GRIK2: variants seen among roughly 807,000 people sequenced by gnomAD.
GRIK2 encodes glutamate receptor ionotropic, kainate 2.
Under a neutral mutation model 100.3 loss-of-function variants are expected in GRIK2, and 32 were observed. That is an observed-to-expected ratio of 0.32 (90% CI 0.24 to 0.43). The LOEUF is 0.43. Among genes scored for constraint, GRIK2 ranks in the 20% least tolerant of loss-of-function variants. GRIK2 has a pLI of 1.00. For missense variants in GRIK2, 843 were observed against 1,114.9 expected (o/e 0.76, Z 3.47); for synonymous variants, 417 against 389.4 (o/e 1.07, Z -0.83).
At chr6:101,646,992 A>G (rs772972477) in intron 4 of GRIK2, among the ~76,000 whole-genome samples, 1 of 152,008 alleles carries the variant, frequency 6.6e-6, no homozygotes, top group South Asian at 2.1e-4. Flanking sequence ...GTAACAGTCT[A>G]AACACTTAGC....
chr6:101,899,105 T>G (rs544190100), intron 12 of GRIK2, among the ~76,000 whole-genome samples: 5 of 150,674 alleles, frequency 3.3e-5, no homozygotes, highest in South Asian at 2.1e-4. Context: ...TGTTTTTGTT[T>G]TTTTTTTTTT....
intron 7 of GRIK2, among the ~76,000 whole-genome samples, chr6:101,763,479 A>G (rs1777857183): frequency 6.6e-6 from 1 of 152,114 alleles, no homozygotes. Context: ...TTCTTGTCTG[A>G]TTTTTCTTAC....
intron 2 of GRIK2, among the ~76,000 whole-genome samples, chr6:101,543,212 C>A (rs1194140350): frequency 6.6e-6 from 1 of 152,140 alleles, no homozygotes; most frequent in African/African-American, 2.4e-5. Context: ...CAATGTGACT[C>A]CATGAAGAAC....
At chr6:101,434,973 C>T (rs1012801845) in intron 2 of GRIK2, among the ~76,000 whole-genome samples, 1 of 152,104 alleles carries the variant, frequency 6.6e-6, no homozygotes, top group Non-Finnish European at 1.5e-5. Flanking sequence ...AAAATTCTAT[C>T]CAGAGAGATT....
intron 12 of GRIK2, among the ~76,000 whole-genome samples, chr6:101,915,883 AAT>A (rs1789073673): frequency 6.6e-6 from 1 of 151,466 alleles, no homozygotes; most frequent in South Asian, 2.1e-4. Flanking sequence ...CCTCTCTTCA[AAT>A]ATGTTTAGTT....
chr6:101,831,182 A>C, intron 10 of GRIK2, among the ~76,000 whole-genome samples: 1 of 152,288 alleles, frequency 6.6e-6, no homozygotes, highest in East Asian at 1.9e-4. Flanking sequence ...ATATGTAGAA[A>C]GTTCATTTGA....
rs1372930120 is a variant in GRIK2, at chr6:101,762,006, T to C, written c.952-37642T>C. On this transcript the variant is annotated intron_variant, in intron 7 of 16. Coordinates refer to ENST00000369134, the MANE Select transcript of GRIK2 (RefSeq NM_021956.5). ...TTTCCTTCCTTCCTCCCTTCTTTTC[T>C]TTTCTTCCTTTCTTTCCTTTGTTTG... Among the ~76,000 whole-genome samples, 18 of 96,066 alleles carry C rather than the reference T, an allele frequency of 1.9e-4. 1 individual carries two copies. The highest frequency in any genetic ancestry group is 4.5e-4 in the South Asian group (1 of 2,230). The allele number at this position is 96,066 out of a possible 152,430, so 63.0% of individuals were successfully genotyped here.
At chr6:101,543,107 A>T (rs551494321) in intron 2 of GRIK2, among the ~76,000 whole-genome samples, 2 of 152,328 alleles carry the variant, frequency 1.3e-5, no homozygotes, top group African/African-American at 4.8e-5. Context: ...AAGCAAACAA[A>T]AAAAGGACAA....
chr6:101,467,755 T>G (rs1396184139), intron 2 of GRIK2, among the ~76,000 whole-genome samples: 1 of 152,282 alleles, frequency 6.6e-6, no homozygotes, highest in Non-Finnish European at 1.5e-5. Flanking sequence ...CAGTGAAACA[T>G]CTACATACAA....
At chr6:101,815,473 A>G (rs1221368719) in intron 9 of GRIK2, among the ~76,000 whole-genome samples, 8 of 152,108 alleles carry the variant, frequency 5.3e-5, no homozygotes, top group African/African-American at 1.4e-4. Context: ...CCTATAATTT[A>G]TTACACAAAT....
chr6:101,623,952 T>G (rs1780305908), intron 3 of GRIK2, among the ~76,000 whole-genome samples: 1 of 152,204 alleles, frequency 6.6e-6, no homozygotes, highest in South Asian at 2.1e-4. Flanking sequence ...GAAATGTATA[T>G]ATTGATAATA....
chr6:101,778,839 T>C (rs966491274), intron 7 of GRIK2, among the ~76,000 whole-genome samples: 1 of 152,160 alleles, frequency 6.6e-6, no homozygotes, highest in Non-Finnish European at 1.5e-5. Flanking sequence ...ACAAAGGAAA[T>C]GTATAATGTG....
chr6:101,478,916 C>T (rs1582539888), intron 2 of GRIK2, among the ~76,000 whole-genome samples: 5 of 152,012 alleles, frequency 3.3e-5, no homozygotes, highest in Admixed American at 3.3e-4. Context: ...GGCAGCATAC[C>T]CTTAATTTTC....
intron 11 of GRIK2, chr6:101,860,776 G>C (rs1477445798): frequency 6.4e-6 from 1 of 155,186 alleles, no homozygotes; most frequent in Non-Finnish European, 1.4e-5. Flanking sequence ...TGTATAATGA[G>C]GCCTCCTGTC....
chr6:101,627,353 G>T (rs956112689), intron 4 of GRIK2, among the ~76,000 whole-genome samples: 3 of 152,080 alleles, frequency 2.0e-5, no homozygotes, highest in Non-Finnish European at 2.9e-5. Context: ...TGTTGGCCAG[G>T]CTGGTCTCGA....
At chr6:101,652,171 G>A (rs553333738) in intron 4 of GRIK2, among the ~76,000 whole-genome samples, 1 of 152,246 alleles carries the variant, frequency 6.6e-6, no homozygotes, top group East Asian at 1.9e-4. Context: ...TCCACCAGAT[G>A]TTTGTGTTCC....
chr6:101,602,931 CA>C (rs1244117548), intron 2 of GRIK2, among the ~76,000 whole-genome samples: 2 of 151,620 alleles, frequency 1.3e-5, no homozygotes, highest in Non-Finnish European at 3.0e-5. Context: ...TTTTTTGGAA[CA>C]AGATTATCAT....
intron 14 of GRIK2, among the ~76,000 whole-genome samples, chr6:101,944,082 G>A (rs1454494148): frequency 6.6e-6 from 1 of 151,982 alleles, no homozygotes; most frequent in African/African-American, 2.4e-5. Flanking sequence ...TCATAAGTGA[G>A]TTCTCATGAG....
intron 14 of GRIK2, among the ~76,000 whole-genome samples, chr6:101,954,204 T>C (rs76439574): frequency 0.026 from 3,949 of 152,290 alleles, 80 homozygotes; most frequent in Middle Eastern, 0.048. Context: ...TCAAGATTGT[T>C]TTGACTATGT....
Sources: allele counts gnomAD v4.1 joint callset (sites outside exome capture counted in the v4.1 genomes callset), GRCh38; gene constraint gnomAD v4.1.1; transcripts MANE v1.5; gene names NCBI Gene and HGNC (gene_info 2026-07-23, HGNC 2026-07-21).